DPP10: variants seen among roughly 807,000 people sequenced by gnomAD.
DPP10 encodes dipeptidyl peptidase like 10.
In DPP10, 33 loss-of-function variants were observed where a neutral mutation model predicts 120.9. That is an observed-to-expected ratio of 0.27 (90% confidence interval 0.21 to 0.37). The LOEUF (loss-of-function observed/expected upper bound fraction) is 0.37. Ranked by LOEUF, DPP10 falls within the 10% of genes least tolerant of loss-of-function variation. The pLI, the probability that DPP10 is intolerant of heterozygous loss-of-function variation, is 1.00. For missense variants in DPP10, 816 were observed against 942.8 expected (o/e 0.87, Z 1.76); for synonymous variants, 337 against 326.1 (o/e 1.03, Z -0.36).
At chr2:115,611,301 T>A (rs2084082268) in intron 5 of DPP10, among the ~76,000 whole-genome samples, 1 of 152,170 alleles carries the variant, frequency 6.6e-6, no homozygotes, top group Non-Finnish European at 1.5e-5. Context: ...AAAAACCGAA[T>A]CTTAATCTAT....
intron 5 of DPP10, among the ~76,000 whole-genome samples, chr2:115,688,989 C>T (rs1334756421): frequency 1.3e-5 from 2 of 152,112 alleles, no homozygotes; most frequent in African/African-American, 4.8e-5. Flanking sequence ...CAGTTGAATG[C>T]ATATAAACAT....
At chr2:115,538,699 A>C (rs1232205757) in intron 5 of DPP10, among the ~76,000 whole-genome samples, 2 of 152,022 alleles carry the variant, frequency 1.3e-5, no homozygotes. Context: ...GTATAAATTC[A>C]GGCTGTCACA....
rs528463425 is a variant in DPP10 at position 115,626,134 on chromosome 2, A to C, written c.442-63553A>C. On this transcript the variant is annotated intron_variant, in intron 5 of 25. Transcript: ENST00000410059. ...ATGGGATAGAGGGAATAAGAATCGG[A>C]ATGTAAGTTCCTTGAAAGCAAGAAA... Among the ~76,000 whole-genome samples the C allele has an allele frequency of 1.7e-3, 253 of 151,904 alleles. 1 individual carries two copies. The highest frequency in any genetic ancestry group is 5.4e-3 in the African/African-American group (224 of 41,526).
intron 3 of DPP10, among the ~76,000 whole-genome samples, chr2:115,450,557 G>A (rs573835262): frequency 6.6e-6 from 1 of 151,984 alleles, no homozygotes; most frequent in South Asian, 2.1e-4. Context: ...TATAAGAAAA[G>A]CAACCTTTGA....
chr2:115,524,117 A>G (rs1025358885), intron 4 of DPP10, among the ~76,000 whole-genome samples: 3 of 152,102 alleles, frequency 2.0e-5, no homozygotes, highest in African/African-American at 7.2e-5. Context: ...TCTGATACCA[A>G]TTGAGTGCTC....
chr2:115,199,541 C>T (rs2055538131), intron 1 of DPP10, among the ~76,000 whole-genome samples: 1 of 152,028 alleles, frequency 6.6e-6, no homozygotes, highest in Non-Finnish European at 1.5e-5. Flanking sequence ...GTAACAAATT[C>T]CTGGGAGGCC....
chr2:114,531,295 T>C (rs909459216), intron 1 of DPP10, among the ~76,000 whole-genome samples: 11 of 152,164 alleles, frequency 7.2e-5, no homozygotes, highest in African/African-American at 2.6e-4. Flanking sequence ...AAGTCTTTCC[T>C]AAATATTCCG....
intron 1 of DPP10, among the ~76,000 whole-genome samples, chr2:114,852,455 T>C (rs1218664237): frequency 2.6e-5 from 4 of 152,158 alleles, no homozygotes; most frequent in African/African-American, 9.7e-5. Context: ...CTTGTCATTA[T>C]TCTCTAAATA....
At chr2:114,707,863 G>C (rs1700780133) in intron 1 of DPP10, among the ~76,000 whole-genome samples, 1 of 152,176 alleles carries the variant, frequency 6.6e-6, no homozygotes, top group Non-Finnish European at 1.5e-5. Context: ...ACCAGTGTCA[G>C]TTATGGAAAG....
At chr2:115,198,065 C>T (rs1358523969) in intron 1 of DPP10, among the ~76,000 whole-genome samples, 1 of 152,146 alleles carries the variant, frequency 6.6e-6, no homozygotes, top group African/African-American at 2.4e-5. Flanking sequence ...TTCTCTATTT[C>T]TTATTCACTG....
chr2:114,698,361 T>G (rs1047176828), intron 1 of DPP10, among the ~76,000 whole-genome samples: 3 of 152,100 alleles, frequency 2.0e-5, no homozygotes, highest in Non-Finnish European at 4.4e-5. Flanking sequence ...AGCCTTCAGC[T>G]GACTGCTGCC....
At chr2:115,549,337 A>G (rs1421306136) in intron 5 of DPP10, among the ~76,000 whole-genome samples, 1 of 152,034 alleles carries the variant, frequency 6.6e-6, no homozygotes, top group African/African-American at 2.4e-5. Context: ...CTCCCAGTCC[A>G]ACACCCTTTG....
At chr2:114,736,256 C>A (rs963366643) in intron 1 of DPP10, among the ~76,000 whole-genome samples, 1 of 152,018 alleles carries the variant, frequency 6.6e-6, no homozygotes, top group East Asian at 2.0e-4. Flanking sequence ...CGTGCTCATG[C>A]CTCCTCCCAG....
chr2:115,267,971 A>G (rs1007521393), intron 1 of DPP10, among the ~76,000 whole-genome samples: 2 of 152,212 alleles, frequency 1.3e-5, no homozygotes, highest in East Asian at 3.8e-4. Flanking sequence ...AGAGATTTGC[A>G]TAGAGCAGAC....
intron 1 of DPP10, among the ~76,000 whole-genome samples, chr2:115,016,745 C>T (rs543893033): frequency 3.2e-4 from 49 of 151,524 alleles, no homozygotes; most frequent in Admixed American, 1.3e-3. Flanking sequence ...AACAGACACA[C>T]GAAAAAATGC....
chr2:115,706,920 AGTGGT>A (rs1349484775), intron 7 of DPP10, among the ~76,000 whole-genome samples: 3 of 152,076 alleles, frequency 2.0e-5, no homozygotes, highest in African/African-American at 4.8e-5. Context: ...ACATCTTTCA[AGTGGT>A]GTGGTAGAGG....
At chr2:115,792,522 C>T (rs1288955131) in intron 19 of DPP10, among the ~76,000 whole-genome samples, 1 of 152,030 alleles carries the variant, frequency 6.6e-6, no homozygotes, top group African/African-American at 2.4e-5. Context: ...TATATAGTTT[C>T]TCATATCCAA....
chr2:114,514,284 A>G (rs138411823), intron 1 of DPP10, among the ~76,000 whole-genome samples: 26 of 152,340 alleles, frequency 1.7e-4, no homozygotes, highest in African/African-American at 6.3e-4. Flanking sequence ...ACACACTCTT[A>G]TGACACTAAT....
intron 1 of DPP10, among the ~76,000 whole-genome samples, chr2:115,259,638 G>T (rs1429876118): frequency 6.6e-6 from 1 of 152,112 alleles, no homozygotes; most frequent in Non-Finnish European, 1.5e-5. Context: ...ACACTTAGTT[G>T]CAGGGAAGTA....
Sources: allele counts gnomAD v4.1 joint callset (sites outside exome capture counted in the v4.1 genomes callset), GRCh38; gene constraint gnomAD v4.1.1; transcripts MANE v1.5; gene names NCBI Gene and HGNC (gene_info 2026-07-23, HGNC 2026-07-21).